Variants in GCC2 observed in about 807,000 individuals in gnomAD.
The protein encoded by GCC2 is GRIP and coiled-coil domain containing 2.
GCC2 carries 120 observed loss-of-function variants against 210.6 expected under a neutral mutation model. That is an observed-to-expected ratio of 0.57 (90% CI 0.49 to 0.66). The LOEUF is 0.66. Ranked by LOEUF, GCC2 falls within the 30% of genes least tolerant of loss-of-function variation. GCC2 has a pLI of 0.00. For synonymous variants in GCC2, 703 were observed against 652.7 expected (o/e 1.08, Z -1.17); for missense variants, 1,868 against 1,871.9 (o/e 1.00, Z 0.04).
At chr2:108,468,776 C>T (rs933166894) in intron 4 of GCC2, among the ~76,000 whole-genome samples, 2 of 152,190 alleles carry the variant, frequency 1.3e-5, no homozygotes, top group Non-Finnish European at 2.9e-5. Flanking sequence ...AGTTCATCCT[C>T]CTCCGTAATT....
intron 4 of GCC2, among the ~76,000 whole-genome samples, chr2:108,461,084 T>C (rs1294248464): frequency 6.6e-6 from 1 of 152,216 alleles, no homozygotes; most frequent in African/African-American, 2.4e-5. Context: ...AGATAGTTCT[T>C]TACAGCAGTG....
Position 108,485,742 on chromosome 2 carries a change from T to C in GCC2, c.3714+6T>C. On this transcript the variant is annotated splice_donor_region_variant and intron_variant, in intron 14 of 22. Coordinates refer to ENST00000309863, the MANE Select transcript of GCC2 (RefSeq NM_181453.4). Reference sequence around the variant, plus strand: ...TGGCAGATTCAAAGCAAGCAGTATGTTAATTTTTCAGTTTCATATTTAGTA... The same window carrying C: ...TGGCAGATTCAAAGCAAGCAGTATGCTAATTTTTCAGTTTCATATTTAGTA... 1 of 1,556,462 alleles carries C rather than the reference T, an allele frequency of 6.4e-7. No homozygotes were observed. Among genetic ancestry groups the C allele is most frequent in the Non-Finnish European group, 8.7e-7 (1 of 1,147,198 alleles).
At chr2:108,449,514 T>C in intron 1 of GCC2, 119 bp from the exon 2 acceptor site, 1 of 1,247,114 alleles carries the variant, frequency 8.0e-7, no homozygotes, top group South Asian at 1.3e-5. Context: ...ATTCTCTGTC[T>C]CACGAGGCTT....
At chr2:108,453,703 T>G (rs956280745) in intron 4 of GCC2, among the ~76,000 whole-genome samples, 12 of 151,836 alleles carry the variant, frequency 7.9e-5, no homozygotes, top group African/African-American at 2.9e-4. Flanking sequence ...GAGGATTGCT[T>G]GAACCCAGGA....
At chr2:108,459,766 T>TTTTTTTTTTTC in intron 4 of GCC2, among the ~76,000 whole-genome samples, 1 of 126,134 alleles carries the variant, frequency 7.9e-6, no homozygotes, top group African/African-American at 2.9e-5. Flanking sequence ...TTTTTTTTTT[T>TTTTTTTTTTTC]TTTTTTTTTT....
intron 4 of GCC2, among the ~76,000 whole-genome samples, chr2:108,462,843 A>C (rs11533802): frequency 6.6e-6 from 1 of 151,552 alleles, no homozygotes; most frequent in African/African-American, 2.4e-5. Context: ...GATTACAGGC[A>C]TGAGCCACCG....
At chr2:108,451,673 C>T (rs1364187265) in intron 3 of GCC2, among the ~76,000 whole-genome samples, 3 of 151,830 alleles carry the variant, frequency 2.0e-5, no homozygotes, top group Admixed American at 2.0e-4. Context: ...AACTGCTTAG[C>T]CTAAAAGCTA....
rs1682449084 is a variant in GCC2 at position 108,492,427 on chromosome 2, G to A, written c.4230-146G>A. 7 of 634,306 alleles carry A rather than the reference G, an allele frequency of 1.1e-5. No homozygotes were observed. The Admixed American group carries it at 1.8e-4, about 16-fold the overall frequency. 39.3% of individuals were successfully genotyped at this position (634,306 alleles called of 1,614,324 possible). ...TTCTCATCAAGTTATTTCACAATGA[G>A]TACAGTGCAGGTATGTAGGAGAGAA... On this transcript the variant is annotated intron_variant, in intron 18 of 22. Coordinates refer to ENST00000309863, the MANE Select transcript of GCC2 (RefSeq NM_181453.4).
chr2:108,463,176 T>C (rs1055405136), intron 4 of GCC2, among the ~76,000 whole-genome samples: 4 of 152,186 alleles, frequency 2.6e-5, no homozygotes, highest in Non-Finnish European at 5.9e-5. Flanking sequence ...AAATTTTGAA[T>C]TCTTTTTCTA....
At chr2:108,468,767 G>C (rs1681033644) in intron 4 of GCC2, among the ~76,000 whole-genome samples, 1 of 152,114 alleles carries the variant, frequency 6.6e-6, no homozygotes, top group East Asian at 1.9e-4. Flanking sequence ...TTCTAATTCA[G>C]TTCATCCTCC....
At chr2:108,497,329 G>A (rs1348090071) in intron 21 of GCC2, among the ~76,000 whole-genome samples, 1 of 152,124 alleles carries the variant, frequency 6.6e-6, no homozygotes, top group East Asian at 1.9e-4. Context: ...TGTTAGCCAG[G>A]ATGGTCTCGA....
chr2:108,457,769 A>G (rs544919816), intron 4 of GCC2, among the ~76,000 whole-genome samples: 12 of 152,302 alleles, frequency 7.9e-5, no homozygotes, highest in Admixed American at 5.2e-4. Flanking sequence ...TTGTTGGTAT[A>G]TAGAAATGCT....
At chr2:108,486,367 A>T in intron 15 of GCC2, 144 bp from the exon 16 acceptor site, 1 of 779,518 alleles carries the variant, frequency 1.3e-6, no homozygotes, top group Admixed American at 2.2e-5. Flanking sequence ...TGCTTTTTCA[A>T]TAATAATACA....
At position 108,471,461 on chromosome 2, in the gene GCC2, T is replaced by C; in HGVS notation, c.2132T>C (p.Phe711Ser). 6.2e-7 allele frequency: 1 copy of C among 1,610,132 alleles called. No homozygotes were observed. Among genetic ancestry groups the C allele is most frequent in the Non-Finnish European group, 8.5e-7 (1 of 1,178,894 alleles). ...KKQLSRDLEV[F>S]LSQKEDVILK... ...CAGTTGAGTAGGGATTTGGAGGTTT[T>C]TTTGTCTCAAAAAGAAGATGTTATC... is the stretch of plus-strand genomic sequence containing the variant. Residue 711 changes from phenylalanine to serine, a missense_variant, in exon 6 of 23, where the codon TTT (phenylalanine) becomes TCT (serine). Around this residue, in one of 3 missense-constraint regions of GCC2, gnomAD observed 1,847 missense variants for 1,765.2 expected, o/e 1.05. Coordinates refer to ENST00000309863, the MANE Select transcript of GCC2 (RefSeq NM_181453.4).
intron 1 of GCC2, 105 bp from the exon 2 acceptor site, chr2:108,449,525 TCCA>T (rs1324295708): frequency 7.7e-7 from 1 of 1,297,482 alleles, no homozygotes; most frequent in African/African-American, 1.5e-5. Context: ...CACGAGGCTT[TCCA>T]CCACTTGATT....
intron 22 of GCC2, among the ~76,000 whole-genome samples, chr2:108,501,922 AG>A (rs1682946873): frequency 1.3e-5 from 2 of 152,176 alleles, no homozygotes; most frequent in African/African-American, 4.8e-5. Context: ...CAGTAATCTC[AG>A]TTCTTCAAAC....
chr2:108,471,151 G>A lies in GCC2; in HGVS notation c.1822G>A (p.Glu608Lys), dbSNP rs371376562. The A allele has an allele frequency of 2.5e-6, 4 of 1,592,074 alleles. No homozygotes were observed. Among genetic ancestry groups the A allele is most frequent in the East Asian group, 2.2e-5 (1 of 44,720 alleles). Reference sequence around the variant, plus strand: ...TATAAATAAACTGAAAAATTCCCATGAAGAAATGGATAATTTCCATAAGAA... The same window carrying A: ...TATAAATAAACTGAAAAATTCCCATAAAGAAATGGATAATTTCCATAAGAA... Reference protein sequence around the residue: ...DFINKLKNSHEEMDNFHKKCE... With the variant: ...DFINKLKNSHKEMDNFHKKCE... Residue 608 changes from glutamate to lysine, a missense_variant, in exon 6 of 23, where the codon GAA (glutamate) becomes AAA (lysine). Physicochemically the swap from Glu to Lys is moderately conservative, Grantham distance 56. Transcript: ENST00000309863.
intron 4 of GCC2, among the ~76,000 whole-genome samples, chr2:108,457,230 G>A (rs1038689553): frequency 6.6e-6 from 1 of 152,128 alleles, no homozygotes; most frequent in African/African-American, 2.4e-5. Context: ...TCCTGGCACC[G>A]TTTGTTAAGA....
intron 2 of GCC2, chr2:108,450,005 A>G: frequency 3.5e-6 from 1 of 287,992 alleles, no homozygotes; most frequent in Non-Finnish European, 6.5e-6. Context: ...GTAGGAATCA[A>G]GGGATTCTGA....
Sources: gnomAD v4.1 joint callset for allele counts (sites outside exome capture counted in the v4.1 genomes callset) on GRCh38, gnomAD v4.1.1 for gene constraint, gnomAD v4.1.1 regional missense constraint, MANE v1.5 for transcripts, NCBI Gene and HGNC (gene_info 2026-07-23, HGNC 2026-07-21) for gene names.